Variants in PROCR observed in about 807,000 individuals in gnomAD.
PROCR encodes protein C receptor.
In PROCR, 22 loss-of-function variants were observed where a neutral mutation model predicts 24.2. The observed-to-expected ratio is 0.91, with a 90% confidence interval of 0.65 to 1.30. The LOEUF is 1.30. Among genes scored for constraint, PROCR ranks in the 50% most tolerant of loss-of-function variants. The pLI, the probability that PROCR is intolerant of heterozygous loss-of-function variation, is 0.00. For synonymous variants in PROCR, 137 were observed against 139.2 expected, an observed-to-expected ratio of 0.98 and a Z score of 0.11; for missense variants, 288 against 307.7, an observed-to-expected ratio of 0.94 and a Z score of 0.48.
At position 35,176,828 on chromosome 20, in the gene PROCR, C is replaced by G. The variant is rs765949568; in HGVS notation, c.*15C>G. 4 of 1,612,762 alleles carry G rather than the reference C, an allele frequency of 2.5e-6. No individual in the cohort carries two copies. The highest frequency in any genetic ancestry group is 2.2e-5 in the South Asian group (2 of 90,704). The stretch of plus-strand genomic sequence containing the variant: ...GGCGATGTTAATTACTCTCCAGCCC[C>G]CTCAGAAGGGGCTGGATTGATGGAG... On this transcript the variant is annotated 3_prime_UTR_variant, in exon 4 of 4. Coordinates refer to ENST00000216968, the MANE Select transcript of PROCR (RefSeq NM_006404.5).
At chr20:35,186,593 G>T (rs918593675) in intron 1 of PROCR, among the ~76,000 whole-genome samples, 5 of 144,518 alleles carry the variant, frequency 3.5e-5, no homozygotes, top group African/African-American at 1.3e-4. Flanking sequence ...AAAATGATAA[G>T]TAAAAGAAGC....
intron 1 of PROCR, among the ~76,000 whole-genome samples, chr20:35,190,520 T>C (rs1479831131): frequency 6.6e-6 from 1 of 152,236 alleles, no homozygotes; most frequent in Non-Finnish European, 1.5e-5. Context: ...CTTTCATTTT[T>C]CAGTATGTTT....
At chr20:35,213,769 T>C (rs985964276) in intron 1 of PROCR, among the ~76,000 whole-genome samples, 29 of 152,126 alleles carry the variant, frequency 1.9e-4, no homozygotes, top group African/African-American at 6.8e-4. Context: ...CAAAAAGGTA[T>C]ACAGTGAGAA....
intron 1 of PROCR, among the ~76,000 whole-genome samples, chr20:35,205,766 T>C (rs1161175061): frequency 2.2e-5 from 1 of 45,204 alleles, no homozygotes; most frequent in East Asian, 1.6e-3. Flanking sequence ...TATATATATA[T>C]ATATATATAT....
At chr20:35,187,945 C>T (rs888290379) in intron 1 of PROCR, among the ~76,000 whole-genome samples, 10 of 152,102 alleles carry the variant, frequency 6.6e-5, no homozygotes, top group Non-Finnish European at 1.5e-4. Flanking sequence ...GGGTCAGTTA[C>T]GTGGCAGCCA....
intron 1 of PROCR, among the ~76,000 whole-genome samples, chr20:35,204,921 A>T (rs899355160): frequency 2.0e-5 from 3 of 152,256 alleles, no homozygotes; most frequent in East Asian, 1.9e-4. Context: ...ATATATTTTT[A>T]AAAAATAATA....
intron 1 of PROCR, among the ~76,000 whole-genome samples, chr20:35,207,437 C>A (rs1169699536): frequency 6.7e-6 from 1 of 149,524 alleles, no homozygotes; most frequent in African/African-American, 2.5e-5. Context: ...TTTTTAAAAG[C>A]TTTTTCCCCT....
intron 1 of PROCR, among the ~76,000 whole-genome samples, chr20:35,173,045 T>A (rs190935821): frequency 6.6e-6 from 1 of 152,320 alleles, no homozygotes; most frequent in African/African-American, 2.4e-5. Context: ...TCTAGGGTTA[T>A]CCATAAATAT....
intron 1 of PROCR, among the ~76,000 whole-genome samples, chr20:35,187,893 T>C (rs1046892174): frequency 5.9e-5 from 9 of 152,188 alleles, no homozygotes; most frequent in South Asian, 4.1e-4. Context: ...GTCCTAGAAG[T>C]TCCATTCCTC....
chr20:35,174,631 G>T, intron 1 of PROCR, 71 bp from the exon 2 acceptor site: 1 of 1,597,526 alleles, frequency 6.3e-7, no homozygotes, highest in Non-Finnish European at 8.5e-7. Flanking sequence ...CTCGAGGTAG[G>T]GGGTTATTAT....
intron 1 of PROCR, among the ~76,000 whole-genome samples, chr20:35,212,729 T>C (rs2060366944): frequency 6.6e-6 from 1 of 152,226 alleles, no homozygotes; most frequent in Non-Finnish European, 1.5e-5. Context: ...ACAAATAATT[T>C]TGTGTTTGCA....
chr20:35,210,692 CCTTT>C (rs1163677499), intron 1 of PROCR, among the ~76,000 whole-genome samples: 1 of 151,156 alleles, frequency 6.6e-6, no homozygotes, highest in African/African-American at 2.4e-5. Flanking sequence ...CAGATATATG[CCTTT>C]CTTTCTTTTC....
At position 35,176,233 on chromosome 20, in the gene PROCR, T is replaced by G; in HGVS notation, c.388T>G (p.Phe130Val). ...TCCCGAGGGCTCTAGAGCCCATGTC[T>G]TCTTCGAAGTGGCTGTGAATGGGAG... The part of the protein sequence containing the change: ...LPPEGSRAHV[F>V]FEVAVNGSSF... Residue 130 changes from phenylalanine (F) to valine (V), a missense_variant, in exon 3 of 4, where the codon TTC (phenylalanine) becomes GTC (valine). Physicochemically the swap from Phe to Val is conservative, Grantham distance 50. Transcript: ENST00000216968. 1 of 1,614,174 alleles carries G rather than the reference T, an allele frequency of 6.2e-7. No homozygotes were observed. The highest frequency in any genetic ancestry group is 1.1e-5 in the South Asian group (1 of 91,078).
chr20:35,175,961 G>A lies in PROCR; in HGVS notation c.323-207G>A, dbSNP rs2069951. Reference sequence around the variant, plus strand: ...ATTCCCTTTTTTCATCACAGTCCCTGGCCCCTTCTTTCTTAGCCTCTAACA... The same window carrying A: ...ATTCCCTTTTTTCATCACAGTCCCTAGCCCCTTCTTTCTTAGCCTCTAACA... On this transcript the variant is annotated intron_variant, in intron 2 of 3. Transcript: ENST00000216968. Among the ~76,000 whole-genome samples the A allele has an allele frequency of 0.045, 6,870 of 151,092 alleles. 163 individuals are homozygous for A. The highest frequency in any genetic ancestry group is 0.068 in the Middle Eastern group (20 of 292).
downstream of PROCR, among the ~76,000 whole-genome samples, chr20:35,178,826 T>C (rs925074836): frequency 6.6e-6 from 1 of 150,400 alleles, no homozygotes; most frequent in African/African-American, 2.4e-5. Flanking sequence ...AAGTCTCAGT[T>C]TTTTTTGTTC....
intron 1 of PROCR, among the ~76,000 whole-genome samples, chr20:35,198,209 G>A (rs940646923): frequency 1.5e-4 from 23 of 151,532 alleles, no homozygotes; most frequent in African/African-American, 4.8e-4. Context: ...GGAGAATGGC[G>A]TGAACCAGGG....
At position 35,176,152 on chromosome 20, in the gene PROCR, G is replaced by T; in HGVS notation, c.323-16G>T. On this transcript the variant is annotated splice_polypyrimidine_tract_variant and intron_variant, in intron 2 of 3. Coordinates refer to ENST00000216968, the MANE Select transcript of PROCR (RefSeq NM_006404.5). ...CCTCTCTGCACAGTCCCCTGACCCTGACTGTCTATCCACAGTTCCTCTGAC... is the reference window on the plus strand; with the variant it reads ...CCTCTCTGCACAGTCCCCTGACCCTTACTGTCTATCCACAGTTCCTCTGAC... The T allele has an allele frequency of 6.2e-7, 1 of 1,612,694 alleles. No homozygotes were observed. Among genetic ancestry groups the T allele is most frequent in the South Asian group, 1.1e-5 (1 of 91,010 alleles).
At chr20:35,189,444 A>G (rs2086155137) in intron 1 of PROCR, among the ~76,000 whole-genome samples, 1 of 152,174 alleles carries the variant, frequency 6.6e-6, no homozygotes, top group African/African-American at 2.4e-5. Context: ...TTGTTTATCA[A>G]TGACAATGCA....
chr20:35,172,368 T>G (rs2085959681), intron 1 of PROCR, 144 bp downstream of exon 1: 1 of 1,069,730 alleles, frequency 9.3e-7, no homozygotes, highest in African/African-American at 1.6e-5. Flanking sequence ...AGGCAGAGTC[T>G]TGGGGACTGG....
Sources: gnomAD v4.1 joint callset for allele counts (sites outside exome capture counted in the v4.1 genomes callset) on GRCh38, gnomAD v4.1.1 for gene constraint, MANE v1.5 for transcripts, NCBI Gene and HGNC (gene_info 2026-07-23, HGNC 2026-07-21) for gene names.